Variants in FRY observed in about 807,000 individuals in gnomAD.
FRY encodes protein furry homolog.
Under a neutral mutation model 348.4 loss-of-function variants are expected in FRY, and 128 were observed. The observed-to-expected ratio is 0.37, with a 90% CI of 0.32 to 0.43. The LOEUF is 0.43. FRY is among the 20% of genes least tolerant of loss of function. The pLI is 1.00. For synonymous variants in FRY, 1,370 were observed against 1,374.7 expected, an observed-to-expected ratio of 1.00 and a Z score of 0.08; for missense variants, 2,736 against 3,695.2, an observed-to-expected ratio of 0.74 and a Z score of 6.73.
At chr13:32,289,946 T>C (rs1017021637) in intron 59 of FRY, among the ~76,000 whole-genome samples, 1 of 152,230 alleles carries the variant, frequency 6.6e-6, no homozygotes, top group Non-Finnish European at 1.5e-5. Flanking sequence ...GTATGGAAAG[T>C]GAGGTGCCTC....
intron 23 of FRY, among the ~76,000 whole-genome samples, chr13:32,181,941 A>G (rs1294514768): frequency 6.6e-6 from 1 of 152,212 alleles, no homozygotes; most frequent in Non-Finnish European, 1.5e-5. Context: ...AGTGGAGGAA[A>G]TTATCGATGT....
intron 41 of FRY, among the ~76,000 whole-genome samples, chr13:32,231,983 G>C (rs1261682790): frequency 6.6e-6 from 1 of 152,162 alleles, no homozygotes; most frequent in Admixed American, 6.5e-5. Context: ...ACATTTCCCA[G>C]TTTGAAACAT....
Position 32,157,379 on chromosome 13 carries a change from A to G in FRY, c.1758A>G (p.Leu586=). The change falls in exon 16 of 61, where the codon TTA becomes TTG. Residue 586 remains leucine (L), a synonymous_variant. Transcript: ENST00000542859. The stretch of plus-strand genomic sequence containing the variant: ...TGATGCTGACTAATGTACAGATGTT[A>G]AACAAAGAACCGGAAGACATGATCA... ...RCMMLTNVQM[L]NKEPEDMITG... 6.2e-7 allele frequency: 1 copy of G among 1,613,654 alleles called. No individual in the cohort carries two copies. The highest frequency in any genetic ancestry group is 2.2e-5 in the East Asian group (1 of 44,798).
intron 28 of FRY, among the ~76,000 whole-genome samples, chr13:32,193,746 C>T (rs1883500024): frequency 6.6e-6 from 1 of 152,048 alleles, no homozygotes; most frequent in South Asian, 2.1e-4. Flanking sequence ...CCACCACGCC[C>T]AGCTAATTTT....
intron 1 of FRY, among the ~76,000 whole-genome samples, chr13:32,044,074 G>T (rs1317539272): frequency 6.6e-6 from 1 of 150,674 alleles, no homozygotes; most frequent in Non-Finnish European, 1.5e-5. Flanking sequence ...ACCAAAAAAA[G>T]AAAAAAAAGG....
intron 7 of FRY, among the ~76,000 whole-genome samples, chr13:32,125,454 A>G (rs1878961302): frequency 6.6e-6 from 1 of 152,198 alleles, no homozygotes; most frequent in Admixed American, 6.5e-5. Context: ...CACCCTACTT[A>G]CCCAGCTTCA....
intron 2 of FRY, among the ~76,000 whole-genome samples, chr13:32,080,061 G>A (rs75696364): frequency 0.034 from 5,178 of 152,262 alleles, 90 homozygotes; most frequent in African/African-American, 0.039. Context: ...ATTCAAGAAT[G>A]TTTGTTAAGT....
chr13:32,268,332 C>A (rs1056274342), intron 55 of FRY, among the ~76,000 whole-genome samples: 9 of 151,936 alleles, frequency 5.9e-5, no homozygotes, highest in African/African-American at 2.2e-4. Flanking sequence ...TTGCAGTTAA[C>A]TAGACCTATG....
chr13:32,038,549 A>C (rs1872633581), intron 1 of FRY: 1 of 152,166 alleles, frequency 6.6e-6, no homozygotes, highest in African/African-American at 2.4e-5. Flanking sequence ...ACACAACTTA[A>C]CCTCATTTTC....
intron 9 of FRY, 30 bp from the exon 10 acceptor site, chr13:32,135,055 A>C: frequency 6.5e-7 from 1 of 1,543,456 alleles, no homozygotes; most frequent in Non-Finnish European, 9.0e-7. Context: ...AATTTTATTA[A>C]TATAATATTC....
At position 32,176,354 on chromosome 13, in the gene FRY, C is replaced by A. The variant is rs192990988; in HGVS notation, c.2421+722C>A. On this transcript the variant is annotated intron_variant, in intron 20 of 60. Coordinates refer to ENST00000542859, the MANE Select transcript of FRY (RefSeq NM_023037.3). ...AGGGAGGCAGGGCAGAGCTGAGACT[C>A]CTTGCAGAATCCATGTTACTGATGT... Among the ~76,000 whole-genome samples, 742 of 152,246 alleles carry A rather than the reference C, an allele frequency of 4.9e-3. 27 individuals are homozygous for A. Among genetic ancestry groups the A allele is most frequent in the Non-Finnish European group, 8.8e-4 (60 of 68,020 alleles).
At chr13:32,287,186 A>G (rs1889122770) in intron 58 of FRY, among the ~76,000 whole-genome samples, 1 of 151,934 alleles carries the variant, frequency 6.6e-6, no homozygotes, top group Non-Finnish European at 1.5e-5. Flanking sequence ...AAAGAAAGAA[A>G]TTGTCTATTG....
Position 32,247,383 on chromosome 13 carries a change from C to T in FRY, c.6889C>T (p.Leu2297Phe). Reference sequence around the variant, plus strand: ...GCTGGTAGTTTCTCGGTCAGCCAGCCTTGTTTTACCTTCATACCAGCACAG... The same window carrying T: ...GCTGGTAGTTTCTCGGTCAGCCAGCTTTGTTTTACCTTCATACCAGCACAG... Reference protein sequence around the residue: ...LKLVVSRSASLVLPSYQHSDL... With the variant: ...LKLVVSRSASFVLPSYQHSDL... Residue 2297 changes from leucine to phenylalanine, a missense_variant, in exon 48 of 61, where the codon CTT becomes TTT. Physicochemically the swap from Leu to Phe is conservative, Grantham distance 22. Around this residue, in one of 9 missense-constraint regions of FRY, gnomAD observed 789 missense variants for 996.2 expected, o/e 0.79. Coordinates refer to ENST00000542859, the MANE Select transcript of FRY (RefSeq NM_023037.3). 1.2e-6 allele frequency: 2 copies of T among 1,613,504 alleles called. No homozygotes were observed. Among genetic ancestry groups the T allele is most frequent in the Non-Finnish European group, 1.7e-6 (2 of 1,179,436 alleles).
rs1439724423 is a variant in FRY, at chr13:32,249,550, G to A, written c.7033G>A (p.Asp2345Asn). 1 of 1,614,204 alleles carries A rather than the reference G, an allele frequency of 6.2e-7. No homozygotes were observed. Among genetic ancestry groups the A allele is most frequent in the Admixed American group, 1.7e-5 (1 of 60,026 alleles). ...GACTCCAATCATCGGGAGGCGGTATGATGAGCTGCAGAATTCTTCTGGGCG... is the reference window on the plus strand; with the variant it reads ...GACTCCAATCATCGGGAGGCGGTATAATGAGCTGCAGAATTCTTCTGGGCG... ...SETPIIGRRY[D>N]ELQNSSGRDG... is the part of the protein sequence containing the mutation. Residue 2345 changes from aspartate (D) to asparagine (N), a missense_variant, in exon 49 of 61, where the codon GAT becomes AAT. Around this residue, in one of 9 missense-constraint regions of FRY, gnomAD observed 789 missense variants for 996.2 expected, o/e 0.79. Transcript: ENST00000542859.
intron 56 of FRY, 188 bp downstream of exon 56, chr13:32,275,179 C>G (rs71436473): frequency 0.22 from 117,317 of 538,530 alleles, 15,358 homozygotes; most frequent in Non-Finnish European, 0.28. Context: ...GAGATCGAGA[C>G]CATCCTGGCT....
At chr13:32,108,101 T>G (rs1338256841) in intron 3 of FRY, among the ~76,000 whole-genome samples, 1 of 152,188 alleles carries the variant, frequency 6.6e-6, no homozygotes, top group African/African-American at 2.4e-5. Context: ...GGCATGTGTT[T>G]CACATTCCAG....
At chr13:32,188,646 A>G (rs1222246730) in intron 28 of FRY, among the ~76,000 whole-genome samples, 2 of 152,130 alleles carry the variant, frequency 1.3e-5, no homozygotes, top group African/African-American at 2.4e-5. Flanking sequence ...CCAAAAATCT[A>G]TTGCCATGAC....
intron 1 of FRY, among the ~76,000 whole-genome samples, chr13:32,048,014 A>G (rs562096885): frequency 1.6e-4 from 24 of 152,132 alleles, no homozygotes; most frequent in East Asian, 5.8e-4. Context: ...TACCCTTTCT[A>G]CATACTTCCA....
intron 13 of FRY, among the ~76,000 whole-genome samples, chr13:32,149,432 C>T (rs1314837600): frequency 3.5e-5 from 5 of 142,550 alleles, no homozygotes; most frequent in African/African-American, 5.3e-5. Flanking sequence ...TCTTTATAAG[C>T]CCAGATACCC....
Sources: allele counts gnomAD v4.1 joint callset (sites outside exome capture counted in the v4.1 genomes callset), GRCh38; gene constraint gnomAD v4.1.1; regional missense constraint gnomAD v4.1.1; transcripts MANE v1.5; gene names NCBI Gene and HGNC (gene_info 2026-07-23, HGNC 2026-07-21).